The following MED13L variants were observed in gnomAD, a reference collection of about 807,000 sequenced individuals.
MED13L encodes mediator of RNA polymerase II transcription subunit 13-like.
A neutral mutation model predicts 220.9 loss-of-function variants in MED13L; 7 were observed. The ratio of observed to expected loss-of-function variants is 0.03; its 90% CI spans 0.02 to 0.06. The LOEUF (loss-of-function observed/expected upper bound fraction) is 0.06. Ranked by LOEUF, MED13L falls within the 10% of genes least tolerant of loss-of-function variation. The pLI is 1.00. For synonymous variants in MED13L, 1,011 were observed against 1,015.2 expected (o/e 1.00, Z 0.08); for missense variants, 1,965 against 2,760.5 (o/e 0.71, Z 6.46).
Position 115,975,585 on chromosome 12 carries a change from A to C in MED13L, c.5518T>G (p.Leu1840Val). Residue 1840 changes from leucine (L) to valine (V), a missense_variant, in exon 24 of 31, where the codon TTG becomes GTG. Leu to Val is a conservative substitution (Grantham distance 32, BLOSUM62 1). Around this residue, in one of 10 missense-constraint regions of MED13L, gnomAD observed 510 missense variants for 620.4 expected, o/e 0.82. Transcript: ENST00000281928. Reference protein sequence around the residue: ...YCLSHDQRWLLASCTDLHGEL... With the variant: ...YCLSHDQRWLVASCTDLHGEL... ...CCATGGAGGTCAGTGCAGGAAGCCAAAAGCCAGCGCTGGTCGTGAGACAGA... is the reference window on the plus strand; with the variant it reads ...CCATGGAGGTCAGTGCAGGAAGCCACAAGCCAGCGCTGGTCGTGAGACAGA... 1 of 1,614,180 alleles carries C rather than the reference A, an allele frequency of 6.2e-7. No individual in the cohort carries two copies. Among genetic ancestry groups the C allele is most frequent in the Non-Finnish European group, 8.5e-7 (1 of 1,180,024 alleles).
At chr12:116,051,043 G>A (rs995134166) in intron 4 of MED13L, among the ~76,000 whole-genome samples, 1 of 151,892 alleles carries the variant, frequency 6.6e-6, no homozygotes, top group Non-Finnish European at 1.5e-5. Context: ...GTACAAAACT[G>A]TATGCATAAT....
chr12:115,960,799 G>T lies in MED13L; in HGVS notation c.*467C>A, dbSNP rs1230080238. 9.0e-6 allele frequency: 2 copies of T among 222,322 alleles called. No individual in the cohort carries two copies. The allele number at this position is 222,322 out of a possible 1,614,324, so 13.8% of individuals were successfully genotyped here. On this transcript the variant is annotated 3_prime_UTR_variant, in exon 31 of 31. Transcript: ENST00000281928. ...AGTATGAAACCATGTACTTGAGCTG[G>T]TTCTTATTTTTAAAAAGTCCCAGAT...
chr12:116,020,917 C>A (rs1198170652), intron 5 of MED13L, among the ~76,000 whole-genome samples: 1 of 152,058 alleles, frequency 6.6e-6, no homozygotes, highest in Non-Finnish European at 1.5e-5. Flanking sequence ...TATGTCACAT[C>A]AATCAAGAGA....
chr12:116,108,966 G>T (rs575792284), intron 3 of MED13L, among the ~76,000 whole-genome samples: 3 of 151,372 alleles, frequency 2.0e-5, no homozygotes, highest in African/African-American at 7.3e-5. Flanking sequence ...TGAGATTAGG[G>T]TAACTGTCCA....
chr12:116,101,257 G>A (rs1358324768), intron 3 of MED13L, among the ~76,000 whole-genome samples: 1 of 152,186 alleles, frequency 6.6e-6, no homozygotes, highest in Non-Finnish European at 1.5e-5. Flanking sequence ...AAAACTATCA[G>A]TTCTTTGGGA....
Position 116,031,762 on chromosome 12 carries a change from AGG to A in MED13L, c.480-9163_480-9162del, listed in dbSNP as rs1491396676. Among the ~76,000 whole-genome samples the A allele has an allele frequency of 6.8e-4, 87 of 127,540 alleles. 2 individuals are homozygous for A. Among genetic ancestry groups the A allele is most frequent in the East Asian group, 1.9e-3 (8 of 4,302 alleles). 83.7% of individuals were successfully genotyped at this position (127,540 alleles called of 152,430 possible). ...AAAGAAAAGAAAAGAAAAGAAAAGA[AGG>A]AAGGAAGGAAGGAAGGAAGGAAGGA... On this transcript the variant is annotated intron_variant, in intron 4 of 30. Transcript: ENST00000281928.
intron 23 of MED13L, among the ~76,000 whole-genome samples, chr12:115,978,570 G>C (rs889083297): frequency 6.6e-6 from 1 of 151,986 alleles, no homozygotes; most frequent in Non-Finnish European, 1.5e-5. Flanking sequence ...CAGGTGACCC[G>C]CCAGCCTCAG....
At chr12:116,246,619 G>C (rs73200239) in intron 1 of MED13L, among the ~76,000 whole-genome samples, 22,263 of 147,840 alleles carry the variant, frequency 0.15, 1,876 homozygotes, top group Middle Eastern at 0.21. Flanking sequence ...ACCAGCCTGG[G>C]CAAGACAGCA....
chr12:116,271,853 G>GT (rs1473019565), intron 1 of MED13L, among the ~76,000 whole-genome samples: 3 of 151,622 alleles, frequency 2.0e-5, no homozygotes, highest in African/African-American at 7.3e-5. Context: ...TGTCTAATCT[G>GT]GCTAACTGGT....
At position 116,219,879 on chromosome 12, in the gene MED13L, C is replaced by T. The variant is rs1372432813; in HGVS notation, c.310+17589G>A. On this transcript the variant is annotated intron_variant, in intron 2 of 30. Transcript: ENST00000281928. ...GTGGCATCATCTCGGCTCACTGCAA[C>T]CTCTGCCTCCCGGGTTCAAGCAATT... 2.6e-5 allele frequency among the ~76,000 whole-genome samples: 4 copies of T among 152,194 alleles called. No homozygotes were observed. In the East Asian group the frequency reaches 7.7e-4, roughly 29 times the overall value.
At chr12:116,140,214 T>C (rs1161496118) in intron 2 of MED13L, among the ~76,000 whole-genome samples, 2 of 152,290 alleles carry the variant, frequency 1.3e-5, no homozygotes, top group Middle Eastern at 3.4e-3. Flanking sequence ...TTTACTACCA[T>C]GTAACATACT....
intron 2 of MED13L, among the ~76,000 whole-genome samples, chr12:116,198,315 A>G (rs1056684377): frequency 3.3e-5 from 5 of 152,156 alleles, no homozygotes; most frequent in Non-Finnish European, 7.4e-5. Flanking sequence ...ACCCAAGGGT[A>G]TTCAACATAT....
chr12:115,972,562 C>T (rs1219069577), intron 25 of MED13L: 1 of 355,218 alleles, frequency 2.8e-6, no homozygotes, highest in South Asian at 2.4e-5. Context: ...GCAGTGTTAG[C>T]TGCCCTATCC....
chr12:116,132,279 CAAAAAAAAA>C (rs1005783459), intron 2 of MED13L, among the ~76,000 whole-genome samples: 1 of 77,430 alleles, frequency 1.3e-5, no homozygotes, highest in African/African-American at 4.7e-5. Flanking sequence ...TACTTCGTCT[CAAAAAAAAA>C]AAAAAAAAAA....
Position 115,980,851 on chromosome 12 carries a change from A to G in MED13L, c.5263T>C (p.Tyr1755His). The change falls in exon 23 of 31, where the codon TAC becomes CAC. Residue 1755 changes from tyrosine (Y) to histidine (H), a missense_variant. Tyr to His is a moderately conservative substitution (Grantham distance 83). This residue lies in a region of MED13L where 510 missense variants were observed against 620.4 expected (regional missense o/e 0.82). Transcript: ENST00000281928. ...GGCAGTGGTCGCCTGCACTGGCAGT[A>G]CACTGAAAATGCCATGGACTTCAAG... ...QYLKSMAFSVYCQCRRPLPTQ... is the reference protein window; with the variant it reads ...QYLKSMAFSVHCQCRRPLPTQ... 1 of 1,613,498 alleles carries G rather than the reference A, an allele frequency of 6.2e-7. No individual in the cohort carries two copies. Among genetic ancestry groups the G allele is most frequent in the Non-Finnish European group, 8.5e-7 (1 of 1,179,850 alleles).
intron 4 of MED13L, among the ~76,000 whole-genome samples, chr12:116,041,025 G>A (rs550054328): frequency 1.1e-4 from 16 of 152,240 alleles, no homozygotes; most frequent in Non-Finnish European, 2.1e-4. Context: ...TAATGAACAC[G>A]TGCTCCATAC....
rs58162276 is a variant in MED13L, at chr12:116,271,040, CAAAAA to C, written c.72+6015_72+6019del. 2.3e-4 allele frequency among the ~76,000 whole-genome samples: 7 copies of C among 30,098 alleles called. No individual in the cohort carries two copies. In the East Asian group the frequency reaches 4.2e-3, roughly 18 times the overall value. The allele number at this position is 30,098 out of a possible 152,430, so 19.7% of individuals were successfully genotyped here. A position where few individuals can be genotyped will look rare whatever the true frequency, so the allele number is the denominator to read the frequency against. On this transcript the variant is annotated intron_variant, in intron 1 of 30. Coordinates refer to ENST00000281928, the MANE Select transcript of MED13L (RefSeq NM_015335.5). ...CTGGTGACAGAGCGAGACTCCGTCT[CAAAAA>C]AAAAAAAAAAAAAAAAAAAAAAGAA...
chr12:116,275,461 G>A (rs1873740284), intron 1 of MED13L, among the ~76,000 whole-genome samples: 2 of 152,148 alleles, frequency 1.3e-5, no homozygotes, highest in South Asian at 4.1e-4. Flanking sequence ...CTATGTCTTT[G>A]TAGGTAAAAA....
chr12:116,235,154 T>G (rs1221039530), intron 2 of MED13L, among the ~76,000 whole-genome samples: 1 of 152,196 alleles, frequency 6.6e-6, no homozygotes, highest in African/African-American at 2.4e-5. Context: ...TAATTAAGGC[T>G]AGATATTTTC....
Sources: allele counts gnomAD v4.1 joint callset (sites outside exome capture counted in the v4.1 genomes callset), GRCh38; gene constraint gnomAD v4.1.1; regional missense constraint gnomAD v4.1.1; transcripts MANE v1.5; gene names NCBI Gene and HGNC (gene_info 2026-07-23, HGNC 2026-07-21).